ANTXR2: variants seen among roughly 807,000 people sequenced by gnomAD.
ANTXR2 encodes the protein ANTXR cell adhesion molecule 2, also known as anthrax toxin receptor 2.
In ANTXR2, 44 loss-of-function variants were observed where a neutral mutation model predicts 73.7. That is an observed-to-expected ratio of 0.60 (90% CI 0.47 to 0.77). The LOEUF (loss-of-function observed/expected upper bound fraction) is 0.77, where lower values mean the gene tolerates loss of function less well. Among genes scored for constraint, ANTXR2 ranks in the 30% least tolerant of loss-of-function variants. The pLI, the probability that ANTXR2 is intolerant of heterozygous loss-of-function variation, is 0.00. For synonymous variants in ANTXR2, 217 were observed against 205.9 expected (o/e 1.05, Z -0.46); for missense variants, 604 against 592.5 (o/e 1.02, Z -0.20).
intron 11 of ANTXR2, among the ~76,000 whole-genome samples, chr4:80,016,725 T>G (rs1055751759): frequency 3.9e-5 from 6 of 152,370 alleles, no homozygotes; most frequent in South Asian, 4.1e-4. Flanking sequence ...CAATTCATCC[T>G]TCTATTTGGC....
intron 10 of ANTXR2, among the ~76,000 whole-genome samples, chr4:80,022,307 A>T (rs1014482463): frequency 7.9e-5 from 12 of 152,328 alleles, no homozygotes; most frequent in African/African-American, 2.6e-4. Context: ...GTGTGTATAG[A>T]TATATGTATT....
chr4:79,922,621 G>A (rs1432759291), intron 16 of ANTXR2, among the ~76,000 whole-genome samples: 1 of 152,020 alleles, frequency 6.6e-6, no homozygotes, highest in East Asian at 1.9e-4. Context: ...TATGTATTAA[G>A]TTAGCTTTAT....
intron 11 of ANTXR2, among the ~76,000 whole-genome samples, chr4:80,012,882 G>C (rs544918758): frequency 6.6e-6 from 1 of 152,174 alleles, no homozygotes; most frequent in African/African-American, 2.4e-5. Context: ...AATGTTGGAG[G>C]TATCTTCCTG....
intron 7 of ANTXR2, among the ~76,000 whole-genome samples, chr4:80,048,510 T>C (rs1733626740): frequency 6.6e-6 from 1 of 151,700 alleles, no homozygotes; most frequent in African/African-American, 2.4e-5. Context: ...GTTTCTCCTA[T>C]GAATGTATCT....
intron 10 of ANTXR2, among the ~76,000 whole-genome samples, chr4:80,023,902 G>A (rs1015447545): frequency 3.3e-5 from 5 of 152,278 alleles, no homozygotes; most frequent in South Asian, 4.1e-4. Flanking sequence ...TCTGGAATTC[G>A]TCTTAAGAGT....
intron 14 of ANTXR2, 75 bp downstream of exon 14, chr4:79,983,803 T>C: frequency 9.0e-7 from 1 of 1,108,002 alleles, no homozygotes. Flanking sequence ...TTGTGAAAAG[T>C]AGTTTCTATG....
intron 14 of ANTXR2, 22 bp downstream of exon 14, chr4:79,983,856 T>A: frequency 1.3e-6 from 2 of 1,553,462 alleles, no homozygotes; most frequent in Non-Finnish European, 1.8e-6. Context: ...TAGCAGCTTC[T>A]ATTTTTTTTT....
intron 16 of ANTXR2, among the ~76,000 whole-genome samples, chr4:79,919,580 A>G (rs1051827361): frequency 2.0e-5 from 3 of 152,074 alleles, no homozygotes; most frequent in East Asian, 3.9e-4. Context: ...CTTCTGGCCT[A>G]TATCTTTCTC....
intron 10 of ANTXR2, among the ~76,000 whole-genome samples, chr4:80,031,010 A>G (rs899631477): frequency 3.3e-5 from 5 of 152,072 alleles, no homozygotes; most frequent in African/African-American, 1.2e-4. Flanking sequence ...AACAATTCAA[A>G]TAAGACTCCT....
At chr4:80,044,292 T>A in intron 7 of ANTXR2, among the ~76,000 whole-genome samples, 1 of 151,986 alleles carries the variant, frequency 6.6e-6, no homozygotes, top group East Asian at 1.9e-4. Flanking sequence ...GGAATCATAC[T>A]TTGATTGAGA....
At chr4:79,984,940 A>G in intron 12 of ANTXR2, 77 bp from the exon 13 acceptor site, 1 of 1,156,112 alleles carries the variant, frequency 8.6e-7, no homozygotes. Flanking sequence ...ATAATTTGAT[A>G]CATAAAATAC....
At chr4:80,041,035 CACTTATGTTCCAGCAACTAT>C (rs1733220672) in intron 7 of ANTXR2, among the ~76,000 whole-genome samples, 2 of 152,058 alleles carry the variant, frequency 1.3e-5, no homozygotes, top group African/African-American at 4.8e-5. Flanking sequence ...ATTCATTGGG[CACTTATGTTCCAGCAACTAT>C]GCTAAGTGCT....
intron 7 of ANTXR2, among the ~76,000 whole-genome samples, chr4:80,039,231 G>A (rs1334669269): frequency 6.8e-6 from 1 of 147,656 alleles, no homozygotes; most frequent in East Asian, 3.4e-4. Flanking sequence ...AGAGAGGAGG[G>A]AGAAGAGTAA....
rs1359950555 is a variant in ANTXR2 at position 80,055,334 on chromosome 4, G to A, written c.486+26C>T. The A allele has an allele frequency of 2.5e-6, 4 of 1,585,692 alleles. No individual in the cohort carries two copies. The Admixed American group carries it at 5.1e-5, about 20-fold the overall frequency. ...ACACAGCGATGTACAGTGGGGTGTA[G>A]AGAACAGTCTCAGTTCAATACTCAC... On this transcript the variant is annotated intron_variant, in intron 5 of 16. Transcript: ENST00000403729.
intron 7 of ANTXR2, among the ~76,000 whole-genome samples, chr4:80,043,018 G>A (rs936533851): frequency 6.6e-6 from 1 of 151,970 alleles, no homozygotes; most frequent in Non-Finnish European, 1.5e-5. Flanking sequence ...TAAGACTTGT[G>A]CTGATAGTCT....
At chr4:79,919,911 ATATATAT>A (rs1727523404) in intron 16 of ANTXR2, among the ~76,000 whole-genome samples, 3 of 18,612 alleles carry the variant, frequency 1.6e-4, no homozygotes, top group African/African-American at 2.8e-4. Context: ...ATATATATAT[ATATATAT>A]ATAAAAAATG....
At chr4:79,914,024 C>T (rs913259575) in intron 16 of ANTXR2, among the ~76,000 whole-genome samples, 10 of 152,082 alleles carry the variant, frequency 6.6e-5, no homozygotes, top group Middle Eastern at 3.2e-3. Context: ...TAGATCTTCT[C>T]GTCGATCTAC....
intron 12 of ANTXR2, among the ~76,000 whole-genome samples, chr4:79,988,152 G>A (rs1196060322): frequency 2.7e-5 from 4 of 147,628 alleles, no homozygotes; most frequent in Non-Finnish European, 6.0e-5. Flanking sequence ...CAACTTAAAA[G>A]GTACAGAGTG....
chr4:79,916,781 A>C (rs1222440743), intron 16 of ANTXR2, among the ~76,000 whole-genome samples: 2 of 152,154 alleles, frequency 1.3e-5, no homozygotes, highest in African/African-American at 4.8e-5. Flanking sequence ...AACAGGATTT[A>C]TGAAGGGGGT....
Sources: allele counts gnomAD v4.1 joint callset (sites outside exome capture counted in the v4.1 genomes callset), GRCh38; gene constraint gnomAD v4.1.1; transcripts MANE v1.5; gene names NCBI Gene and HGNC (gene_info 2026-07-23, HGNC 2026-07-21).